The following CGRRF1 variants were observed in gnomAD, a reference collection of about 807,000 sequenced individuals.
CGRRF1 encodes the protein cell growth regulator with RING finger domain protein 1.
In CGRRF1, 32 loss-of-function variants were observed where a neutral mutation model predicts 37.2. The ratio of observed to expected loss-of-function variants is 0.86; its 90% confidence interval spans 0.65 to 1.16. CGRRF1 has a LOEUF of 1.16. Ranked by LOEUF, CGRRF1 falls within the 50% of genes most tolerant of loss-of-function variation. The pLI, the probability that CGRRF1 is intolerant of heterozygous loss-of-function variation, is 0.00. For synonymous variants in CGRRF1, 141 were observed against 140.3 expected (o/e 1.00, Z -0.04); for missense variants, 391 against 382.6 (o/e 1.02, Z -0.18).
chr14:54,518,752 A>C (rs2032261941), intron 1 of CGRRF1, among the ~76,000 whole-genome samples: 1 of 152,116 alleles, frequency 6.6e-6, no homozygotes, highest in African/African-American at 2.4e-5. Flanking sequence ...TCTTTTAAGA[A>C]GTGTCTGTTC....
chr14:54,531,202 A>G, intron 4 of CGRRF1, 152 bp downstream of exon 4: 1 of 599,154 alleles, frequency 1.7e-6, no homozygotes, highest in Admixed American at 3.3e-5. Flanking sequence ...TTATATGTGA[A>G]ACAGTACCTT....
chr14:54,511,605 A>G (rs1156686479), intron 1 of CGRRF1, among the ~76,000 whole-genome samples: 1 of 152,220 alleles, frequency 6.6e-6, no homozygotes, highest in Non-Finnish European at 1.5e-5. Context: ...CTAATTAGAT[A>G]TCTTAGATAT....
At chr14:54,529,302 A>G (rs2032467661) in intron 2 of CGRRF1, among the ~76,000 whole-genome samples, 1 of 152,242 alleles carries the variant, frequency 6.6e-6, no homozygotes, top group Non-Finnish European at 1.5e-5. Context: ...CACATAGGTG[A>G]CACAAAGTAA....
At chr14:54,510,365 G>C (rs1594643968) in intron 1 of CGRRF1, 2 of 411,986 alleles carry the variant, frequency 4.9e-6, no homozygotes, top group East Asian at 1.1e-4. Context: ...GCTTGGGCTT[G>C]GGCTTGGTGT....
Position 54,530,918 on chromosome 14 carries a change from C to A in CGRRF1, c.438C>A (p.Ser146Arg). 6.3e-7 allele frequency: 1 copy of A among 1,592,924 alleles called. No individual in the cohort carries two copies. Residue 146 changes from serine (S) to arginine (R), a missense_variant, in exon 4 of 6, where the codon AGC becomes AGA. Coordinates refer to ENST00000216420, the MANE Select transcript of CGRRF1 (RefSeq NM_006568.3). Reference protein sequence around the residue: ...YQEQYFIKKDSKEEIYCQLPR... With the variant: ...YQEQYFIKKDRKEEIYCQLPR... ...TTTCAAAAAGTATTAAAAAGGATAG[C>A]AAAGAAGAAATATATTGCCAGTTAC...
At chr14:54,520,409 A>G (rs1170213950) in intron 1 of CGRRF1, among the ~76,000 whole-genome samples, 1 of 152,212 alleles carries the variant, frequency 6.6e-6, no homozygotes, top group Non-Finnish European at 1.5e-5. Context: ...CTGGGATTAC[A>G]GGTGTGAGCC....
chr14:54,534,690 TG>T (rs1347466237), intron 4 of CGRRF1, among the ~76,000 whole-genome samples: 1 of 152,148 alleles, frequency 6.6e-6, no homozygotes, highest in Non-Finnish European at 1.5e-5. Context: ...TTTGCATTAT[TG>T]TTCTCCCATT....
intron 2 of CGRRF1, among the ~76,000 whole-genome samples, chr14:54,528,895 G>A (rs993927990): frequency 6.6e-6 from 1 of 152,136 alleles, no homozygotes; most frequent in African/African-American, 2.4e-5. Context: ...AATACTGAGA[G>A]TAAAATTGGA....
intron 1 of CGRRF1, among the ~76,000 whole-genome samples, chr14:54,510,587 A>G (rs2032113469): frequency 6.6e-6 from 1 of 152,258 alleles, no homozygotes; most frequent in South Asian, 2.1e-4. Flanking sequence ...TGGTTTCTGT[A>G]TACATTCCAC....
intron 3 of CGRRF1, 139 bp from the exon 4 acceptor site, chr14:54,530,764 G>A (rs1028720576): frequency 2.2e-6 from 2 of 902,300 alleles, no homozygotes; most frequent in Non-Finnish European, 3.5e-6. Flanking sequence ...AACAGTATTT[G>A]TATCCTTTTA....
At chr14:54,515,090 G>GTTT (rs935043483) in intron 1 of CGRRF1, among the ~76,000 whole-genome samples, 2,023 of 124,086 alleles carry the variant, frequency 0.016, 53 homozygotes, top group East Asian at 0.073. Flanking sequence ...TGAGTTTTTT[G>GTTT]TTTTTTTTTT....
chr14:54,537,876 GTT>G, intron 5 of CGRRF1, 47 bp downstream of exon 5: 9 of 1,563,996 alleles, frequency 5.8e-6, no homozygotes, highest in Non-Finnish European at 6.9e-6. Flanking sequence ...TGTTTACAGA[GTT>G]TCAAAGAATG....
At chr14:54,526,063 C>T (rs997278848) in intron 2 of CGRRF1, among the ~76,000 whole-genome samples, 3 of 151,490 alleles carry the variant, frequency 2.0e-5, no homozygotes, top group Non-Finnish European at 4.4e-5. Context: ...TGCCACTGCA[C>T]TCCAGCCTGG....
At chr14:54,529,976 G>T in intron 2 of CGRRF1, 73 bp from the exon 3 acceptor site, 1 of 1,268,592 alleles carries the variant, frequency 7.9e-7, no homozygotes, top group Non-Finnish European at 1.1e-6. Context: ...GGAAGCTTTT[G>T]TTACTCACCC....
At position 54,522,473 on chromosome 14, in the gene CGRRF1, G is replaced by A. The variant is rs772666262; in HGVS notation, c.124G>A (p.Val42Ile). ...TTTTAGGTTTGGTTGGGATGTTCCA[G>A]TAATTCTGAGAAATTCAGAAGAGAC... ...VLGWFGWDVPVILRNSEETQF... is the reference protein window; with the variant it reads ...VLGWFGWDVPIILRNSEETQF... Residue 42 changes from valine (V) to isoleucine (I), a missense_variant, in exon 2 of 6, where the codon GTA becomes ATA. Physicochemically the swap from Val to Ile is conservative, Grantham distance 29 (BLOSUM62 3). Transcript: ENST00000216420. 9 of 1,575,340 alleles carry A rather than the reference G, an allele frequency of 5.7e-6. No individual in the cohort carries two copies. In the East Asian group the frequency reaches 6.8e-5, roughly 12 times the overall value.
intron 4 of CGRRF1, among the ~76,000 whole-genome samples, chr14:54,532,816 G>A (rs1232204255): frequency 6.6e-6 from 1 of 151,974 alleles, no homozygotes. Context: ...AGGCCTTCTG[G>A]CTTCCTCCCT....
At position 54,530,135 on chromosome 14, in the gene CGRRF1, C is replaced by G; in HGVS notation, c.331C>G (p.Leu111Val). The change falls in exon 3 of 6, where the codon CTG (leucine) becomes GTG (valine). Residue 111 changes from leucine (L) to valine (V), a missense_variant. By Grantham distance (32) the Leu-to-Val change is conservative (BLOSUM62 1). Coordinates refer to ENST00000216420, the MANE Select transcript of CGRRF1 (RefSeq NM_006568.3). ...CAGTGTTCAAAAATTATATGAAGCT[C>G]TGCAGAAGCATGTTTATTGCTTCAG... ...GCSVQKLYEALQKHVYCFRIS... is the reference protein window; with the variant it reads ...GCSVQKLYEAVQKHVYCFRIS... 1.2e-6 allele frequency: 2 copies of G among 1,613,374 alleles called. No individual in the cohort carries two copies. The highest frequency in any genetic ancestry group is 1.7e-6 in the Non-Finnish European group (2 of 1,179,384).
At position 54,522,576 on chromosome 14, in the gene CGRRF1, C is replaced by G. The variant is rs769648791; in HGVS notation, c.227C>G (p.Ser76Cys). The change falls in exon 2 of 6, where the codon TCT (serine) becomes TGT (cysteine). Residue 76 changes from serine to cysteine, a missense_variant. Coordinates refer to ENST00000216420, the MANE Select transcript of CGRRF1 (RefSeq NM_006568.3). ...TTTGGCTTAGAGATCACTAATCCATCTTCAGCTTCAATTACAAGTTGGTGG... is the reference window on the plus strand; with the variant it reads ...TTTGGCTTAGAGATCACTAATCCATGTTCAGCTTCAATTACAAGTTGGTGG... ...NPFGLEITNP[S>C]SASITTGITL... 1 of 1,580,414 alleles carries G rather than the reference C, an allele frequency of 6.3e-7. No individual in the cohort carries two copies. The highest frequency in any genetic ancestry group is 8.5e-7 in the Non-Finnish European group (1 of 1,169,712).
intron 2 of CGRRF1, 82 bp downstream of exon 2, chr14:54,522,675 C>T (rs1385393874): frequency 1.5e-6 from 2 of 1,295,280 alleles, no homozygotes; most frequent in African/African-American, 3.0e-5. Context: ...CTATTTCTTT[C>T]CCTTCATTAG....
Sources: allele counts gnomAD v4.1 joint callset (sites outside exome capture counted in the v4.1 genomes callset), GRCh38; gene constraint gnomAD v4.1.1; transcripts MANE v1.5; gene names NCBI Gene and HGNC (gene_info 2026-07-23, HGNC 2026-07-21).